Variants in ZNF454 observed in about 807,000 individuals in gnomAD.
The protein encoded by ZNF454 is zinc finger protein 454.
Under a neutral mutation model 48.2 loss-of-function variants are expected in ZNF454, and 30 were observed. That is an observed-to-expected ratio of 0.62 (90% confidence interval 0.47 to 0.84). ZNF454 has a LOEUF of 0.84. Among genes scored for constraint, ZNF454 ranks in the 40% least tolerant of loss-of-function variants. The probability of loss-of-function intolerance (pLI) is 0.00; values close to 1 mark genes in which losing one functional copy is unlikely to be tolerated. For missense variants in ZNF454, 510 were observed against 623.1 expected (o/e 0.82, Z 1.93); for synonymous variants, 204 against 211.4 (o/e 0.97, Z 0.30).
At chr5:178,971,110 G>A (rs1029829199), downstream of ZNF454, among the ~76,000 whole-genome samples, 3 of 152,184 alleles carry the variant, frequency 2.0e-5, no homozygotes, top group East Asian at 1.9e-4. Flanking sequence ...ATCCTGTTTT[G>A]TATTGTTATG....
At chr5:178,988,573 G>T in the ZNF454 span, among the ~76,000 whole-genome samples, 1 of 152,136 alleles carries the variant, frequency 6.6e-6, no homozygotes, top group Admixed American at 6.5e-5. The surrounding 1 kb of genome is among the most constrained non-coding windows in gnomAD (Gnocchi z 6.0). Flanking sequence ...CTGGGTAGGC[G>T]CCCCACGCAG....
chr5:178,956,247 G>T (rs1759743082), intron 4 of ZNF454, among the ~76,000 whole-genome samples: 1 of 152,014 alleles, frequency 6.6e-6, no homozygotes, highest in Non-Finnish European at 1.5e-5. Flanking sequence ...TAAAGATAAT[G>T]ATTTTCAAAG....
chr5:178,983,085 C>T, the ZNF454 span: 1 of 1,614,212 alleles, frequency 6.2e-7, no homozygotes, highest in Non-Finnish European at 8.5e-7. Flanking sequence ...GTAGCCCAGG[C>T]AGCCGATGAG....
At chr5:178,974,291 TGTTGTGGTTGTTGTG>T in the ZNF454 span, among the ~76,000 whole-genome samples, 3,602 of 148,764 alleles carry the variant, frequency 0.024, 148 homozygotes, top group African/African-American at 0.089. Flanking sequence ...TTCTAGTGGT[TGTTGTGGTTGTTGTG>T]GTTGTGGTTG....
At chr5:178,951,820 T>A (rs113527803) in intron 4 of ZNF454, among the ~76,000 whole-genome samples, 3 of 152,334 alleles carry the variant, frequency 2.0e-5, no homozygotes, top group African/African-American at 7.2e-5. Context: ...GGATTTAAGG[T>A]TATATGCTCC....
At chr5:178,954,680 T>C (rs1759681414) in intron 4 of ZNF454, among the ~76,000 whole-genome samples, 1 of 152,244 alleles carries the variant, frequency 6.6e-6, no homozygotes, top group South Asian at 2.1e-4. Context: ...ACATTTTTCT[T>C]ATGCCCCAAA....
intron 4 of ZNF454, among the ~76,000 whole-genome samples, chr5:178,960,048 A>C (rs1332842539): frequency 2.0e-5 from 3 of 147,324 alleles, no homozygotes; most frequent in African/African-American, 7.6e-5. Flanking sequence ...TCCTGGGCTT[A>C]TGGCGATCCT....
chr5:178,956,890 T>C, intron 4 of ZNF454: 1 of 335,244 alleles, frequency 3.0e-6, no homozygotes, highest in South Asian at 2.1e-5. Context: ...TATTTTTTGT[T>C]TGTTTGTTTT....
chr5:178,978,364 TG>T, the ZNF454 span: 1 of 152,164 alleles, frequency 6.6e-6, no homozygotes, highest in Non-Finnish European at 1.5e-5. Context: ...AGGAAGTAAC[TG>T]AATAAAGTCA....
At chr5:178,967,090 T>C (rs529489240), downstream of ZNF454, among the ~76,000 whole-genome samples, 2 of 152,322 alleles carry the variant, frequency 1.3e-5, no homozygotes, top group South Asian at 2.1e-4. Context: ...ATGCATTTCC[T>C]CTGGGCTTCA....
At position 178,941,438 on chromosome 5, in the gene ZNF454, C is replaced by T. The variant is rs572603239; in HGVS notation, c.-114C>T. The T allele has an allele frequency of 1.5e-5, 7 of 455,576 alleles. No homozygotes were observed. The highest frequency in any genetic ancestry group is 8.0e-5 in the African/African-American group (4 of 50,012). 28.2% of individuals were successfully genotyped at this position (455,576 alleles called of 1,614,324 possible). A position where few individuals can be genotyped will look rare whatever the true frequency, so the allele number is the denominator to read the frequency against. ...ACGCTGATCGAATGCCCCAAACTTCCCGGAATGTATGTCTGAGATTTGATC... is the reference window on the plus strand; with the variant it reads ...ACGCTGATCGAATGCCCCAAACTTCTCGGAATGTATGTCTGAGATTTGATC... On this transcript the variant is annotated 5_prime_UTR_variant, in exon 1 of 5. Transcript: ENST00000519564. This position sits in a 1 kb window ranked among gnomAD's most constrained non-coding sequence, Gnocchi z 5.5.
At chr5:178,986,986 GGA>G in the ZNF454 span, 3 of 1,613,238 alleles carry the variant, frequency 1.9e-6, no homozygotes, top group East Asian at 2.2e-5. Flanking sequence ...TGCGCTGCCT[GGA>G]GAGAGAGTCC....
the ZNF454 span, chr5:178,975,752 C>A: frequency 2.5e-6 from 1 of 395,686 alleles, no homozygotes; most frequent in Non-Finnish European, 5.3e-6. Context: ...TACTCAGTTA[C>A]TTAATCAAAC....
At chr5:178,986,077 C>T in the ZNF454 span, 23 of 1,541,732 alleles carry the variant, frequency 1.5e-5, no homozygotes, top group Middle Eastern at 2.1e-4. Context: ...GGCTTTGTAA[C>T]GTTGCGGACA....
At chr5:178,979,118 G>T in the ZNF454 span, 2 of 152,310 alleles carry the variant, frequency 1.3e-5, no homozygotes, top group East Asian at 3.9e-4. Context: ...GGGTATGGTC[G>T]TGCGCACCAG....
chr5:178,980,619 G>GGATTTTTTGGT, the ZNF454 span: 2 of 153,630 alleles, frequency 1.3e-5, no homozygotes, highest in Non-Finnish European at 2.9e-5. The surrounding 1 kb of genome is among the most constrained non-coding windows in gnomAD (Gnocchi z 4.3). Context: ...CAGGTTTGGG[G>GGATTTTTTGGT]GTTTTTTTGG....
downstream of ZNF454, among the ~76,000 whole-genome samples, chr5:178,969,967 T>C (rs1163431002): frequency 1.3e-5 from 2 of 152,188 alleles, no homozygotes; most frequent in Non-Finnish European, 2.9e-5. Flanking sequence ...TCATCTGGGT[T>C]CTTTCTCCCT....
chr5:178,983,187 G>A, the ZNF454 span: 1 of 1,613,236 alleles, frequency 6.2e-7, no homozygotes, highest in Non-Finnish European at 8.5e-7. Flanking sequence ...GCTGTGTGGG[G>A]GCCGGGCCCC....
the ZNF454 span, among the ~76,000 whole-genome samples, chr5:178,973,153 C>G: frequency 6.6e-6 from 1 of 151,162 alleles, no homozygotes. Context: ...CTCTCTCCCC[C>G]ACACCTCCCC....
Sources: gnomAD v4.1 joint callset for allele counts (sites outside exome capture counted in the v4.1 genomes callset) on GRCh38, gnomAD v4.1.1 for gene constraint, Gnocchi (gnomAD v3.1) non-coding constraint, MANE v1.5 for transcripts, NCBI Gene and HGNC (gene_info 2026-07-23, HGNC 2026-07-21) for gene names.